Variants in PTPRD observed in about 807,000 individuals in gnomAD.
PTPRD encodes receptor-type tyrosine-protein phosphatase delta.
PTPRD carries 34 observed loss-of-function variants against 214.5 expected under a neutral mutation model. That is an observed-to-expected ratio of 0.16 (90% CI 0.12 to 0.21). The LOEUF (loss-of-function observed/expected upper bound fraction) is 0.21. PTPRD is among the 10% of genes least tolerant of loss of function. PTPRD has a pLI of 1.00. For missense variants in PTPRD, 2,545 were observed against 2,398.7 expected (o/e 1.06, Z -1.27); for synonymous variants, 1,128 against 845.7 (o/e 1.33, Z -5.79).
intron 11 of PTPRD, among the ~76,000 whole-genome samples, chr9:8,921,695 T>C (rs1567013593): frequency 6.6e-6 from 1 of 152,038 alleles, no homozygotes; most frequent in South Asian, 2.1e-4. Context: ...GGTTTCACCA[T>C]GTTGGCCAGG....
chr9:10,005,401 C>G (rs1056074794), intron 4 of PTPRD, among the ~76,000 whole-genome samples: 4 of 152,134 alleles, frequency 2.6e-5, no homozygotes, highest in African/African-American at 9.7e-5. Flanking sequence ...TTCCTGCGGA[C>G]TGCTGCTTGG....
Position 9,824,481 on chromosome 9 carries a change from T to A in PTPRD, c.-367-57630A>T, listed in dbSNP as rs188897898. Among the ~76,000 whole-genome samples the A allele has an allele frequency of 9.2e-5, 14 of 152,130 alleles. No homozygotes were observed. In the East Asian group the frequency reaches 2.5e-3, roughly 27 times the overall value. On this transcript the variant is annotated intron_variant, in intron 5 of 45. Transcript: ENST00000381196. ...GTGCTTTATTACATGAATACAGCTTTATATTACTTCTGTAATAAAATATAT... is the reference window on the plus strand; with the variant it reads ...GTGCTTTATTACATGAATACAGCTTAATATTACTTCTGTAATAAAATATAT...
At chr9:10,279,248 C>T (rs544127190) in intron 3 of PTPRD, among the ~76,000 whole-genome samples, 17 of 152,126 alleles carry the variant, frequency 1.1e-4, no homozygotes, top group East Asian at 3.9e-4. Flanking sequence ...CAGAGCTTAA[C>T]TGAAAAAATA....
At chr9:9,991,248 C>T (rs2095906624) in intron 4 of PTPRD, among the ~76,000 whole-genome samples, 4 of 151,704 alleles carry the variant, frequency 2.6e-5, no homozygotes, top group Admixed American at 2.6e-4. Context: ...AAAATATTCT[C>T]ATAAACTTGG....
chr9:9,795,427 G>A lies in PTPRD; in HGVS notation c.-367-28576C>T, dbSNP rs550730015. 4.0e-3 allele frequency among the ~76,000 whole-genome samples: 605 copies of A among 152,186 alleles called. 3 individuals carry two copies. The highest frequency in any genetic ancestry group is 0.014 in the African/African-American group (582 of 41,524). ...TGAGGGCCATTGCCACCCAGCCAAG[G>A]AAGCATTTGGATAGTGGAAAAAAAC... is the stretch of plus-strand genomic sequence containing the variant. On this transcript the variant is annotated intron_variant, in intron 5 of 45. Transcript: ENST00000381196.
chr9:9,933,392 G>T (rs1375298867), intron 5 of PTPRD, among the ~76,000 whole-genome samples: 1 of 151,736 alleles, frequency 6.6e-6, no homozygotes, highest in South Asian at 2.1e-4. Flanking sequence ...GATCTACCAA[G>T]CAAATGGAAA....
intron 3 of PTPRD, among the ~76,000 whole-genome samples, chr9:10,203,555 A>C (rs531522386): frequency 6.6e-6 from 1 of 152,226 alleles, no homozygotes; most frequent in South Asian, 2.1e-4. Context: ...TTGTGGTTTT[A>C]CAATGACTTC....
chr9:8,836,897 G>C (rs760887264), intron 11 of PTPRD, among the ~76,000 whole-genome samples: 2 of 151,792 alleles, frequency 1.3e-5, no homozygotes, highest in Admixed American at 1.3e-4. Context: ...ACAACCTTTA[G>C]AACTAGCTCT....
chr9:9,559,040 G>A (rs867023943), intron 8 of PTPRD, among the ~76,000 whole-genome samples: 15 of 152,206 alleles, frequency 9.9e-5, no homozygotes, highest in African/African-American at 3.6e-4. Context: ...AGTCCGGGGG[G>A]GTAGCTATCC....
chr9:8,419,612 A>G (rs1475051716), intron 35 of PTPRD, among the ~76,000 whole-genome samples: 1 of 152,098 alleles, frequency 6.6e-6, no homozygotes, highest in Non-Finnish European at 1.5e-5. Context: ...AGGGAAGAAA[A>G]GAAAAATATC....
intron 27 of PTPRD, among the ~76,000 whole-genome samples, chr9:8,488,408 C>T (rs940982602): frequency 1.3e-5 from 2 of 152,050 alleles, no homozygotes; most frequent in Admixed American, 6.5e-5. Flanking sequence ...AATTATTCAA[C>T]AACATGTGTG....
At chr9:9,958,422 T>C (rs2154019447) in intron 4 of PTPRD, among the ~76,000 whole-genome samples, 1 of 152,132 alleles carries the variant, frequency 6.6e-6, no homozygotes, top group East Asian at 1.9e-4. Context: ...TACCAGCTAC[T>C]AGGGAGACTG....
intron 4 of PTPRD, among the ~76,000 whole-genome samples, chr9:9,988,897 G>C (rs1224966207): frequency 6.6e-6 from 1 of 150,602 alleles, no homozygotes; most frequent in Non-Finnish European, 1.5e-5. Context: ...TTGAAATCTA[G>C]AGAAATAAAC....
rs540525975 is a variant in PTPRD, at chr9:9,679,382, C to T, written c.-287+55151G>A. Among the ~76,000 whole-genome samples the T allele has an allele frequency of 4.0e-5, 6 of 151,842 alleles. No homozygotes were observed. In the South Asian group the frequency reaches 1.2e-3, roughly 32 times the overall value. On this transcript the variant is annotated intron_variant, in intron 7 of 45. Transcript: ENST00000381196. ...ATTGTTGAATATATAGTCAATCAAT[C>T]CATAAATATAAAGTAATTACCTATA...
intron 9 of PTPRD, among the ~76,000 whole-genome samples, chr9:9,315,396 T>G (rs1962176384): frequency 6.6e-6 from 1 of 152,040 alleles, no homozygotes; most frequent in Admixed American, 6.6e-5. Flanking sequence ...TATTACTATA[T>G]GCCAGTAAGT....
intron 14 of PTPRD, among the ~76,000 whole-genome samples, chr9:8,607,829 A>C (rs930154294): frequency 1.3e-5 from 2 of 152,176 alleles, no homozygotes; most frequent in Admixed American, 1.3e-4. Context: ...TTTATTGCAA[A>C]TCTAGGATAT....
intron 4 of PTPRD, among the ~76,000 whole-genome samples, chr9:9,991,588 T>C (rs7047439): frequency 0.71 from 106,796 of 151,196 alleles, 37,955 homozygotes; most frequent in Middle Eastern, 0.78. Flanking sequence ...CTCGAACTCC[T>C]GAACTCAGGT....
At chr9:9,439,196 T>A (rs948543598) in intron 8 of PTPRD, among the ~76,000 whole-genome samples, 4 of 23,664 alleles carry the variant, frequency 1.7e-4, no homozygotes, top group Non-Finnish European at 3.5e-4. Flanking sequence ...TACATTAGAT[T>A]TTTTTTTAAT....
chr9:9,199,550 G>C (rs1415666560), intron 9 of PTPRD, among the ~76,000 whole-genome samples: 2 of 152,090 alleles, frequency 1.3e-5, no homozygotes, highest in Non-Finnish European at 2.9e-5. Flanking sequence ...GGTGAGAACT[G>C]ATAAAAGTGT....
Sources: allele counts gnomAD v4.1 joint callset (sites outside exome capture counted in the v4.1 genomes callset), GRCh38; gene constraint gnomAD v4.1.1; transcripts MANE v1.5; gene names NCBI Gene and HGNC (gene_info 2026-07-23, HGNC 2026-07-21).